Variants in NTM observed in about 807,000 individuals in gnomAD.
NTM encodes IgLON family member 2.
A neutral mutation model predicts 42.1 loss-of-function variants in NTM; 13 were observed. That is an observed-to-expected ratio of 0.31 (90% CI 0.20 to 0.49). NTM has a LOEUF of 0.49. NTM is among the 20% of genes least tolerant of loss of function. The probability of loss-of-function intolerance (pLI) is 0.99; values close to 1 mark genes in which losing one functional copy is unlikely to be tolerated. For missense variants in NTM, 373 were observed against 452.8 expected (o/e 0.82, Z 1.60); for synonymous variants, 187 against 179.2 (o/e 1.04, Z -0.35).
chr11:131,467,958 A>G (rs572754899), intron 1 of NTM, among the ~76,000 whole-genome samples: 2 of 152,356 alleles, frequency 1.3e-5, no homozygotes, highest in East Asian at 1.9e-4. Context: ...TCTGTATTTA[A>G]GAAGATTCTA....
chr11:131,747,896 C>T (rs1436489945), intron 1 of NTM, among the ~76,000 whole-genome samples: 2 of 152,154 alleles, frequency 1.3e-5, no homozygotes, highest in African/African-American at 4.8e-5. Flanking sequence ...ATGTCTCCAC[C>T]AGGACACAAC....
intron 6 of NTM, 110 bp from the exon 7 acceptor site, chr11:132,314,442 A>C: frequency 8.4e-7 from 1 of 1,183,650 alleles, no homozygotes; most frequent in South Asian, 1.6e-5. Context: ...GGTTATAATG[A>C]TGTCAGAAAG....
intron 1 of NTM, among the ~76,000 whole-genome samples, chr11:131,516,345 C>G (rs553486822): frequency 1.3e-5 from 2 of 152,202 alleles, no homozygotes; most frequent in Admixed American, 6.5e-5. Context: ...AATCTCAAGC[C>G]TGTGCCCTTT....
chr11:131,628,920 G>A (rs1215689090), intron 1 of NTM, among the ~76,000 whole-genome samples: 1 of 152,252 alleles, frequency 6.6e-6, no homozygotes, highest in Non-Finnish European at 1.5e-5. Context: ...CAGGCGGAGA[G>A]TGTGGCAGGA....
chr11:131,549,444 GAGAA>G (rs1221875987), intron 1 of NTM, among the ~76,000 whole-genome samples: 3 of 152,090 alleles, frequency 2.0e-5, no homozygotes, highest in Non-Finnish European at 2.9e-5. Context: ...GACAGAAGGA[GAGAA>G]AGAGTCAAAG....
intron 2 of NTM, among the ~76,000 whole-genome samples, chr11:131,937,910 G>A (rs1395783274): frequency 6.6e-6 from 1 of 152,200 alleles, no homozygotes; most frequent in Non-Finnish European, 1.5e-5. Flanking sequence ...CAAGTCCTCT[G>A]AACTTGAGTG....
At chr11:131,839,499 C>A (rs994621811) in intron 1 of NTM, among the ~76,000 whole-genome samples, 2 of 152,172 alleles carry the variant, frequency 1.3e-5, no homozygotes, top group Admixed American at 1.3e-4. Context: ...GCCATGCTAT[C>A]CTGCTCAGTG....
At position 131,726,023 on chromosome 11, in the gene NTM, G is replaced by A. The variant is rs117039870; in HGVS notation, c.83-185541G>A. ...AGATTTGCTCTAAGAGAAACAATAG[G>A]AAGCAAAGAGGGATAAAGCATCCTG... On this transcript the variant is annotated intron_variant, in intron 1 of 8. Transcript: ENST00000683400. Among the ~76,000 whole-genome samples the A allele has an allele frequency of 7.7e-4, 118 of 152,292 alleles. 2 individuals carry two copies. In the East Asian group the frequency reaches 0.02, roughly 25 times the overall value.
At chr11:132,119,593 T>G (rs1376560027) in intron 2 of NTM, among the ~76,000 whole-genome samples, 1 of 152,100 alleles carries the variant, frequency 6.6e-6, no homozygotes, top group Non-Finnish European at 1.5e-5. Context: ...GGGTGAGGAG[T>G]CAGTGCAGGT....
chr11:131,535,481 CT>C (rs1334239087), intron 1 of NTM: 4 of 152,190 alleles, frequency 2.6e-5, no homozygotes, highest in Non-Finnish European at 5.9e-5. Flanking sequence ...CTAAGGACCC[CT>C]ATGCTCATCG....
At position 131,550,621 on chromosome 11, in the gene NTM, C is replaced by T. The variant is rs548192989; in HGVS notation, c.82+179733C>T. Among the ~76,000 whole-genome samples the T allele has an allele frequency of 1.2e-4, 18 of 152,300 alleles. No individual in the cohort carries two copies. The East Asian group carries it at 3.1e-3, about 26-fold the overall frequency. ...ATCCTCCTTGGCCATGCTTCCTGTA[C>T]AGCCTGTGGAACCATGAGCCAATTA... On this transcript the variant is annotated intron_variant, in intron 1 of 8. Transcript: ENST00000683400.
chr11:131,470,157 T>C (rs1952296740), intron 1 of NTM, among the ~76,000 whole-genome samples: 1 of 152,192 alleles, frequency 6.6e-6, no homozygotes, highest in Non-Finnish European at 1.5e-5. Context: ...GGGCAGGACA[T>C]GGTTACTTTC....
At chr11:132,232,833 T>G (rs892835272) in intron 4 of NTM, among the ~76,000 whole-genome samples, 2 of 152,222 alleles carry the variant, frequency 1.3e-5, no homozygotes, top group African/African-American at 4.8e-5. Flanking sequence ...AAGATAAAGG[T>G]GTTTTTACAT....
At chr11:131,897,143 C>T (rs2052429350) in intron 1 of NTM, 1 of 152,336 alleles carries the variant, frequency 6.6e-6, no homozygotes, top group African/African-American at 2.4e-5. Context: ...ATGGTGGTGA[C>T]CAATATCCAA....
At chr11:131,539,189 G>A (rs2052786958) in intron 1 of NTM, 1 of 152,094 alleles carries the variant, frequency 6.6e-6, no homozygotes, top group Non-Finnish European at 1.5e-5. Flanking sequence ...CAATCCTCCT[G>A]CCTCAGCTTC....
At chr11:131,447,272 C>A (rs1422167758) in intron 1 of NTM, among the ~76,000 whole-genome samples, 2 of 152,204 alleles carry the variant, frequency 1.3e-5, no homozygotes, top group African/African-American at 2.4e-5. Context: ...AGGGGAGTTA[C>A]CTCCTCTCTG....
At chr11:131,586,512 G>A (rs905270239) in intron 1 of NTM, among the ~76,000 whole-genome samples, 3 of 152,126 alleles carry the variant, frequency 2.0e-5, no homozygotes, top group African/African-American at 7.2e-5. Context: ...GGTCATATGA[G>A]TGAGCTTGAG....
Position 131,469,904 on chromosome 11 carries a change from T to C in NTM, c.82+99016T>C, listed in dbSNP as rs553923578. Among the ~76,000 whole-genome samples the C allele has an allele frequency of 5.3e-5, 8 of 152,372 alleles. No individual in the cohort carries two copies. In the South Asian group the frequency reaches 1.7e-3, roughly 32 times the overall value. ...ATCTTTATAGCATGAGGGGATTCAATGCAATGATATTCTAAAGTCTAATTT... is the reference window on the plus strand; with the variant it reads ...ATCTTTATAGCATGAGGGGATTCAACGCAATGATATTCTAAAGTCTAATTT... On this transcript the variant is annotated intron_variant, in intron 1 of 8. Transcript: ENST00000683400.
At chr11:131,454,739 A>T (rs1468651994) in intron 1 of NTM, among the ~76,000 whole-genome samples, 1 of 152,180 alleles carries the variant, frequency 6.6e-6, no homozygotes, top group Non-Finnish European at 1.5e-5. Context: ...GGCTTGACTT[A>T]GAAATTAATG....
Sources: allele counts gnomAD v4.1 joint callset (sites outside exome capture counted in the v4.1 genomes callset), GRCh38; gene constraint gnomAD v4.1.1; transcripts MANE v1.5; gene names NCBI Gene and HGNC (gene_info 2026-07-23, HGNC 2026-07-21).